Variants in ATXN1 observed in about 807,000 individuals in gnomAD.
ATXN1 encodes ataxin-1.
ATXN1 carries 8 observed loss-of-function variants against 56.4 expected under a neutral mutation model. The ratio of observed to expected loss-of-function variants is 0.14; its 90% CI spans 0.08 to 0.26. The LOEUF (loss-of-function observed/expected upper bound fraction) is 0.26, where lower values mean the gene tolerates loss of function less well. ATXN1 is among the 10% of genes least tolerant of loss of function. The probability of loss-of-function intolerance (pLI) is 1.00; values close to 1 mark genes in which losing one functional copy is unlikely to be tolerated. For synonymous variants in ATXN1, 514 were observed against 494.6 expected (o/e 1.04, Z -0.52); for missense variants, 987 against 1,106.5 (o/e 0.89, Z 1.53).
At chr6:16,592,028 T>C (rs1762732020) in intron 3 of ATXN1, among the ~76,000 whole-genome samples, 1 of 152,162 alleles carries the variant, frequency 6.6e-6, no homozygotes, top group African/African-American at 2.4e-5. Context: ...CTGGGTGTTC[T>C]AAAGACAAAT....
At chr6:16,644,550 T>C (rs1257256917) in intron 3 of ATXN1, among the ~76,000 whole-genome samples, 1 of 143,714 alleles carries the variant, frequency 7.0e-6, no homozygotes, top group Non-Finnish European at 1.5e-5. Flanking sequence ...GGTAAATTTA[T>C]GGTAAATTTT....
rs1243097855 is a variant in ATXN1, at chr6:16,306,938, C to T, written c.1918-79G>A. 3.4e-6 allele frequency: 5 copies of T among 1,451,576 alleles called. No homozygotes were observed. The Admixed American group carries it at 1.1e-4, about 31-fold the overall frequency. 89.9% of individuals were successfully genotyped at this position (1,451,576 alleles called of 1,614,324 possible). A position where few individuals can be genotyped will look rare whatever the true frequency, so the allele number is the denominator to read the frequency against. ...CATTTTATTCTTGTTTGATTTTATG[C>T]ACACACACAGGTATGAACTCACACA... On this transcript the variant is annotated intron_variant, in intron 7 of 7. Transcript: ENST00000436367. This position sits in a 1 kb window ranked among gnomAD's most constrained non-coding sequence, Gnocchi z 5.2.
chr6:16,411,917 A>G (rs1415023153), intron 6 of ATXN1, among the ~76,000 whole-genome samples: 1 of 152,220 alleles, frequency 6.6e-6, no homozygotes, highest in East Asian at 1.9e-4. Context: ...CTCCCTTAGT[A>G]GATTGTCAGC....
chr6:16,591,088 T>G (rs1178591535), intron 3 of ATXN1, among the ~76,000 whole-genome samples: 1 of 152,108 alleles, frequency 6.6e-6, no homozygotes, highest in Non-Finnish European at 1.5e-5. Flanking sequence ...CCCAAAGTGC[T>G]GTGATTACAG....
intron 2 of ATXN1, among the ~76,000 whole-genome samples, chr6:16,740,941 A>G (rs1296808691): frequency 3.9e-5 from 6 of 152,176 alleles, no homozygotes; most frequent in South Asian, 2.1e-4. Flanking sequence ...CTCCATCTCA[A>G]TATTGTTCTA....
chr6:16,470,289 A>G (rs1415404626), intron 6 of ATXN1, among the ~76,000 whole-genome samples: 1 of 152,160 alleles, frequency 6.6e-6, no homozygotes, highest in African/African-American at 2.4e-5. Context: ...AAAATAATAG[A>G]CAGCAAGTAG....
At chr6:16,439,811 C>T (rs375805677) in intron 6 of ATXN1, among the ~76,000 whole-genome samples, 11 of 151,622 alleles carry the variant, frequency 7.3e-5, no homozygotes, top group African/African-American at 1.7e-4. Context: ...CAGTGGCTCA[C>T]GCCTGTAATC....
At chr6:16,403,747 A>C (rs1432693609) in intron 6 of ATXN1, among the ~76,000 whole-genome samples, 1 of 152,052 alleles carries the variant, frequency 6.6e-6, no homozygotes, top group Non-Finnish European at 1.5e-5. Flanking sequence ...TCTACCTCCA[A>C]AACTCTCCTC....
In ATXN1 at chr6:16,612,363, C is replaced by T. The variant is rs369758166; in HGVS notation, c.-488-26456G>A. 2.2e-4 allele frequency among the ~76,000 whole-genome samples: 33 copies of T among 152,086 alleles called. No homozygotes were observed. The South Asian group carries it at 6.2e-3, about 29-fold the overall frequency. Reference sequence around the variant, plus strand: ...TCAATATTCTGTGACCACAATGCAACAAAACTCATTAATAGACAGAAGTGT... The same window carrying T: ...TCAATATTCTGTGACCACAATGCAATAAAACTCATTAATAGACAGAAGTGT... On this transcript the variant is annotated intron_variant, in intron 3 of 7. Coordinates refer to ENST00000436367, the MANE Select transcript of ATXN1 (RefSeq NM_001128164.2).
At position 16,299,469 on chromosome 6, in the gene ATXN1, A is replaced by G. The variant is rs997950319; in HGVS notation, c.*6860T>C. 1 of 152,672 alleles carries G rather than the reference A, an allele frequency of 6.5e-6. No homozygotes were observed. Among genetic ancestry groups the G allele is most frequent in the Non-Finnish European group, 1.5e-5 (1 of 68,042 alleles). The allele number at this position is 152,672 out of a possible 1,614,324, so 9.5% of individuals were successfully genotyped here. A position where few individuals can be genotyped will look rare whatever the true frequency, so the allele number is the denominator to read the frequency against. On this transcript the variant is annotated 3_prime_UTR_variant, in exon 8 of 8. Coordinates refer to ENST00000436367, the MANE Select transcript of ATXN1 (RefSeq NM_001128164.2). ...TGGAAAAAAGTTCTCCTGTCACAAT[A>G]AAAGCTCTTAACTATTATGTATGCA...
intron 6 of ATXN1, among the ~76,000 whole-genome samples, chr6:16,364,593 G>A (rs1395918991): frequency 2.0e-5 from 3 of 152,126 alleles, no homozygotes; most frequent in South Asian, 2.1e-4. Context: ...ATGAGCCACC[G>A]CACCCAGCCA....
intron 2 of ATXN1, among the ~76,000 whole-genome samples, chr6:16,690,072 T>C (rs922093409): frequency 6.6e-6 from 1 of 152,076 alleles, no homozygotes; most frequent in Non-Finnish European, 1.5e-5. Context: ...GGTTGGGTTT[T>C]TTTTAATTTT....
At chr6:16,403,353 TAA>T (rs879757883) in intron 6 of ATXN1, among the ~76,000 whole-genome samples, 18 of 152,344 alleles carry the variant, frequency 1.2e-4, no homozygotes, top group African/African-American at 4.1e-4. Flanking sequence ...TCAAGCTCTT[TAA>T]AAAAAAATTT....
At chr6:16,626,827 C>T (rs1763415526) in intron 3 of ATXN1, among the ~76,000 whole-genome samples, 1 of 152,118 alleles carries the variant, frequency 6.6e-6, no homozygotes, top group Non-Finnish European at 1.5e-5. Flanking sequence ...TAACAGGAGA[C>T]TGGGACACAG....
chr6:16,407,549 T>C (rs928331493), intron 6 of ATXN1, among the ~76,000 whole-genome samples: 1 of 152,244 alleles, frequency 6.6e-6, no homozygotes, highest in Non-Finnish European at 1.5e-5. Flanking sequence ...TTTGCTTATA[T>C]AGCATATCAA....
At chr6:16,401,624 A>G (rs895488890) in intron 6 of ATXN1, among the ~76,000 whole-genome samples, 7 of 125,082 alleles carry the variant, frequency 5.6e-5, no homozygotes, top group Non-Finnish European at 8.4e-5. Flanking sequence ...CATTGGGAAG[A>G]GTGCTCCTGG....
chr6:16,739,922 T>C, intron 2 of ATXN1: 1 of 456,424 alleles, frequency 2.2e-6, no homozygotes, highest in South Asian at 1.5e-5. Flanking sequence ...CTGTGACCTG[T>C]TAGAGAGAAA....
chr6:16,652,743 G>T (rs1006017579), intron 3 of ATXN1: 3 of 152,124 alleles, frequency 2.0e-5, no homozygotes, highest in Admixed American at 2.0e-4. Context: ...ATCTAGTAAG[G>T]TCTCCATGAA....
chr6:16,728,893 T>C (rs6935615), intron 2 of ATXN1, among the ~76,000 whole-genome samples: 23,088 of 152,204 alleles, frequency 0.15, 2,061 homozygotes, highest in East Asian at 0.43. Flanking sequence ...GTCACCCAGC[T>C]TCTATTCCTT....
Sources: gnomAD v4.1 joint callset for allele counts (sites outside exome capture counted in the v4.1 genomes callset) on GRCh38, gnomAD v4.1.1 for gene constraint, Gnocchi (gnomAD v3.1) non-coding constraint, MANE v1.5 for transcripts, NCBI Gene and HGNC (gene_info 2026-07-23, HGNC 2026-07-21) for gene names.